PLCB3: variants seen among roughly 807,000 people sequenced by gnomAD.
The protein encoded by PLCB3 is phospholipase C beta 3.
A neutral mutation model predicts 152.1 loss-of-function variants in PLCB3; 54 were observed. The observed-to-expected ratio is 0.36, with a 90% confidence interval of 0.29 to 0.45. The LOEUF (loss-of-function observed/expected upper bound fraction) is 0.45, where lower values mean the gene tolerates loss of function less well. Ranked by LOEUF, PLCB3 falls within the 20% of genes least tolerant of loss-of-function variation. The pLI, the probability that PLCB3 is intolerant of heterozygous loss-of-function variation, is 1.00. For missense variants in PLCB3, 1,248 were observed against 1,687.5 expected (o/e 0.74, Z 4.56); for synonymous variants, 717 against 698.7 (o/e 1.03, Z -0.41).
Position 64,255,416 on chromosome 11 carries a change from A to T in PLCB3, c.488A>T (p.Gln163Leu), listed in dbSNP as rs374487328. 6.2e-7 allele frequency: 1 copy of T among 1,614,170 alleles called. No homozygotes were observed. Among genetic ancestry groups the T allele is most frequent in the Non-Finnish European group, 8.5e-7 (1 of 1,180,020 alleles). The change falls in exon 6 of 31, where the codon CAG becomes CTG. Residue 163 changes from glutamine (Q) to leucine (L), a missense_variant. Transcript: ENST00000279230. This position sits in a 1 kb window ranked among gnomAD's most constrained non-coding sequence, Gnocchi z 6.8. Reference sequence around the variant, plus strand: ...CCCAGATACACGAAGCTGAAGCTGCAGGTGAACCAGGATGGTCGGATCCCC... The same window carrying T: ...CCCAGATACACGAAGCTGAAGCTGCTGGTGAACCAGGATGGTCGGATCCCC... Reference protein sequence around the residue: ...LRKAYTKLKLQVNQDGRIPVK... With the variant: ...LRKAYTKLKLLVNQDGRIPVK...
In PLCB3 at chr11:64,267,111, A is replaced by G. The variant is rs958253140; in HGVS notation, c.3415-74A>G. On this transcript the variant is annotated intron_variant, in intron 29 of 30. Coordinates refer to ENST00000279230, the MANE Select transcript of PLCB3 (RefSeq NM_000932.5). The surrounding 1 kb of genome is among the most constrained non-coding windows in gnomAD (Gnocchi z 5.2). The stretch of plus-strand genomic sequence containing the variant: ...ACCCGGCCTCGCCCACCTGACTTCT[A>G]TACCCAGCCAGAGCCTCGAGGCTCT... The G allele has an allele frequency of 1.2e-5, 16 of 1,380,370 alleles. No homozygotes were observed. Among genetic ancestry groups the G allele is most frequent in the Middle Eastern group, 2.4e-4 (1 of 4,106 alleles). The allele number at this position is 1,380,370 out of a possible 1,614,324, so 85.5% of individuals were successfully genotyped here. A position where few individuals can be genotyped will look rare whatever the true frequency, so the allele number is the denominator to read the frequency against.
At position 64,258,714 on chromosome 11, in the gene PLCB3, G is replaced by A. The variant is rs1257823120; in HGVS notation, c.1253+1G>A. On this transcript the variant is annotated splice_donor_variant, in intron 11 of 30. Transcript: ENST00000279230. LOFTEE classifies it high-confidence loss of function. This position sits in a 1 kb window ranked among gnomAD's most constrained non-coding sequence, Gnocchi z 7.2. ...TCTCCTTCGAGAACCATGTGGACTC[G>A]TGAGTGAGCCCCTGGCATGAAACCC... 3 of 1,613,336 alleles carry A rather than the reference G, an allele frequency of 1.9e-6. No homozygotes were observed. Among genetic ancestry groups the A allele is most frequent in the Admixed American group, 3.3e-5 (2 of 59,988 alleles).
chr11:64,259,338 A>T, intron 13 of PLCB3, 94 bp downstream of exon 13: 2 of 1,047,890 alleles, frequency 1.9e-6, no homozygotes, highest in South Asian at 3.4e-5. Context: ...CCCCCAGCCC[A>T]CCCTCCTGCC....
chr11:64,268,662 G>C (rs2135073936), downstream of PLCB3: 1 of 152,552 alleles, frequency 6.6e-6, no homozygotes, highest in African/African-American at 2.4e-5. Flanking sequence ...AAAAGTGGCA[G>C]AGAGCCCACA....
chr11:64,255,813 G>C lies in PLCB3; in HGVS notation c.690G>C (p.Leu230=). The change falls in exon 8 of 31, where the codon CTG becomes CTC. Residue 230 remains leucine, a synonymous_variant. Coordinates refer to ENST00000279230, the MANE Select transcript of PLCB3 (RefSeq NM_000932.5). The surrounding 1 kb of genome is among the most constrained non-coding windows in gnomAD (Gnocchi z 6.8). ...TGCGGCCGGACATTGACAAGATCCTGCTGGAGATGTGAGTGGGCCCGGCCT... is the reference window on the plus strand; with the variant it reads ...TGCGGCCGGACATTGACAAGATCCTCCTGGAGATGTGAGTGGGCCCGGCCT... ...LCLRPDIDKI[L]LEIGAKGKPY... is the part of the protein sequence containing the mutation. 6.2e-7 allele frequency: 1 copy of C among 1,612,126 alleles called. No homozygotes were observed. Among genetic ancestry groups the C allele is most frequent in the Non-Finnish European group, 8.5e-7 (1 of 1,178,180 alleles).
chr11:64,268,953 ACTT>A (rs1248417997), downstream of PLCB3: 2 of 152,018 alleles, frequency 1.3e-5, no homozygotes, highest in African/African-American at 4.8e-5. Flanking sequence ...AGACTTCCTC[ACTT>A]CTTCTGTGGG....
In PLCB3 at chr11:64,265,912, C is replaced by T. The variant is rs138821310; in HGVS notation, c.3062C>T (p.Thr1021Met). The T allele has an allele frequency of 1.7e-4, 270 of 1,613,058 alleles. No individual in the cohort carries two copies. Among genetic ancestry groups the T allele is most frequent in the Non-Finnish European group, 2.1e-4 (248 of 1,179,978 alleles). The change falls in exon 26 of 31, where the codon ACG becomes ATG. Residue 1021 changes from threonine to methionine, a missense_variant. Around this residue, in one of 6 missense-constraint regions of PLCB3, gnomAD observed 477 missense variants for 489.6 expected, o/e 0.97. Transcript: ENST00000279230. ...ALGGAADVED[T>M]KEGEDEAKRY... is the part of the protein sequence containing the mutation. ...GGTGGGGCCGCTGATGTGGAGGACA[C>T]GAAGGAGGGGGAGGACGAGGCAAAG... is the stretch of plus-strand genomic sequence containing the variant.
In PLCB3 at chr11:64,267,420, G is replaced by A; in HGVS notation, c.3569G>A (p.Ser1190Asn). The part of the protein sequence containing the change: ...RARLPQEIRR[S>N]LLGEMPEGLG... ...AGGCTCCCCCAGGAGATCCGCCGGA[G>A]CCTGCTGGGCGAGATGCCGGAGGGG... Residue 1190 changes from serine to asparagine, a missense_variant, in exon 31 of 31, where the codon AGC (serine) becomes AAC (asparagine). Coordinates refer to ENST00000279230, the MANE Select transcript of PLCB3 (RefSeq NM_000932.5). This position sits in a 1 kb window ranked among gnomAD's most constrained non-coding sequence, Gnocchi z 5.2. 1 of 1,543,408 alleles carries A rather than the reference G, an allele frequency of 6.5e-7. No individual in the cohort carries two copies. The highest frequency in any genetic ancestry group is 8.7e-7 in the Non-Finnish European group (1 of 1,144,438).
chr11:64,265,251 C>T (rs1235806647), intron 24 of PLCB3, 24 bp downstream of exon 24: 1 of 1,592,458 alleles, frequency 6.3e-7, no homozygotes, highest in Non-Finnish European at 8.6e-7. Context: ...TACCTGGAGG[C>T]AGGGGGCTGC....
Position 64,258,441 on chromosome 11 carries a change from G to A in PLCB3, c.1013-32G>A. Reference sequence around the variant, plus strand: ...GGGTGGTGAGGAGCTGGGCTGGTGGGCGGCCTCGGTGACAGAGCCTCGCCG... The same window carrying A: ...GGGTGGTGAGGAGCTGGGCTGGTGGACGGCCTCGGTGACAGAGCCTCGCCG... On this transcript the variant is annotated intron_variant, in intron 10 of 30. Coordinates refer to ENST00000279230, the MANE Select transcript of PLCB3 (RefSeq NM_000932.5). This position sits in a 1 kb window ranked among gnomAD's most constrained non-coding sequence, Gnocchi z 7.2. 1 of 1,603,812 alleles carries A rather than the reference G, an allele frequency of 6.2e-7. No homozygotes were observed.
rs774781596 is a variant in PLCB3, at chr11:64,258,987, G to A, written c.1338+18G>A. The stretch of plus-strand genomic sequence containing the variant: ...AGTACCCGGTACGGGAGCTCGGAGC[G>A]AGGGGGGTGGCATGGGGGCCAGGGT... On this transcript the variant is annotated intron_variant, in intron 12 of 30. Coordinates refer to ENST00000279230, the MANE Select transcript of PLCB3 (RefSeq NM_000932.5). This position sits in a 1 kb window ranked among gnomAD's most constrained non-coding sequence, Gnocchi z 7.2. 33 of 1,613,528 alleles carry A rather than the reference G, an allele frequency of 2.0e-5. No individual in the cohort carries two copies. The highest frequency in any genetic ancestry group is 1.1e-4 in the South Asian group (10 of 91,080).
chr11:64,266,316 GAGA>G lies in PLCB3; in HGVS notation c.3274_3276del (p.Lys1092del). On this transcript the variant is annotated inframe_deletion and splice_region_variant, in exon 28 of 31. Coordinates refer to ENST00000279230, the MANE Select transcript of PLCB3 (RefSeq NM_000932.5). This position sits in a 1 kb window ranked among gnomAD's most constrained non-coding sequence, Gnocchi z 4.9. ...CTCTTCCCCTGCCGGCTTCTCCAGG[GAGA>G]AGAAGGAGCTGCAGAAGATCCTGGA... is the stretch of plus-strand genomic sequence containing the variant. 1.9e-6 allele frequency: 3 copies of G among 1,613,482 alleles called. No homozygotes were observed. The highest frequency in any genetic ancestry group is 1.7e-6 in the Non-Finnish European group (2 of 1,179,884).
In PLCB3 at chr11:64,266,212, G is replaced by A. The variant is rs987672411; in HGVS notation, c.3266+10G>A. The A allele has an allele frequency of 3.1e-6, 5 of 1,614,044 alleles. No individual in the cohort carries two copies. Among genetic ancestry groups the A allele is most frequent in the East Asian group, 2.2e-5 (1 of 44,890 alleles). On this transcript the variant is annotated intron_variant, in intron 27 of 30. Coordinates refer to ENST00000279230, the MANE Select transcript of PLCB3 (RefSeq NM_000932.5). This position sits in a 1 kb window ranked among gnomAD's most constrained non-coding sequence, Gnocchi z 4.9. ...AAGAGATGAACGAGAGGTGAAAGCC[G>A]AGGATTGTCTATGGGAAGGGCTGGG...
At chr11:64,257,694 G>A (rs997807486) in intron 10 of PLCB3, among the ~76,000 whole-genome samples, 20 of 152,060 alleles carry the variant, frequency 1.3e-4, no homozygotes, top group South Asian at 4.1e-4. Context: ...GCTGGAGATA[G>A]GTGCCTGCTA....
chr11:64,264,935 T>A lies in PLCB3; in HGVS notation c.2653-16T>A. ...AACAGCATTTCTGAAAAGAGCATTC[T>A]CCTTTCTCCCTATAGGCTCAGGCTG... On this transcript the variant is annotated splice_polypyrimidine_tract_variant and intron_variant, in intron 22 of 30. Transcript: ENST00000279230. 6.2e-7 allele frequency: 1 copy of A among 1,612,832 alleles called. No homozygotes were observed. The highest frequency in any genetic ancestry group is 8.5e-7 in the Non-Finnish European group (1 of 1,179,562).
At position 64,262,417 on chromosome 11, in the gene PLCB3, G is replaced by A; in HGVS notation, c.2049G>A (p.Met683Ile). 6.2e-7 allele frequency: 1 copy of A among 1,612,752 alleles called. No individual in the cohort carries two copies. The highest frequency in any genetic ancestry group is 8.5e-7 in the Non-Finnish European group (1 of 1,179,136). Reference sequence around the variant, plus strand: ...CCCGTGGCACCCCAGATGTGGCGATGCAGCTCAACGCGGGCGTTTTTGAGT... The same window carrying A: ...CCCGTGGCACCCCAGATGTGGCGATACAGCTCAACGCGGGCGTTTTTGAGT... ...ALNFQTLDVA[M>I]QLNAGVFEYN... The change falls in exon 18 of 31, where the codon ATG becomes ATA. Residue 683 changes from methionine to isoleucine, a missense_variant. By Grantham distance (10) the Met-to-Ile change is conservative. Transcript: ENST00000279230.
intron 10 of PLCB3, among the ~76,000 whole-genome samples, chr11:64,257,256 G>A (rs1046187395): frequency 3.3e-5 from 5 of 151,978 alleles, no homozygotes; most frequent in Non-Finnish European, 7.4e-5. Flanking sequence ...CGCCTGCCTC[G>A]CCCTCCCAAA....
downstream of PLCB3, chr11:64,268,801 T>C (rs543087761): frequency 2.4e-4 from 37 of 152,390 alleles, no homozygotes; most frequent in African/African-American, 8.7e-4. Flanking sequence ...GGCGGCCTCT[T>C]ATCTGGGCTT....
At position 64,255,284 on chromosome 11, in the gene PLCB3, C is replaced by T. The variant is rs763750962; in HGVS notation, c.438C>T (p.Asn146=). The T allele has an allele frequency of 2.2e-5, 35 of 1,613,796 alleles. No individual in the cohort carries two copies. The highest frequency in any genetic ancestry group is 2.5e-5 in the Non-Finnish European group (29 of 1,180,006). ...TGGCTATGAACATCCTGGCTCAGAA[C>T]GCCTCCCGGAACACCTTCCTGCGCA... The part of the protein sequence containing the change: ...FKLAMNILAQ[N]ASRNTFLRKA... The change falls in exon 5 of 31, where the codon AAC becomes AAT. Residue 146 remains asparagine (N), a synonymous_variant. Transcript: ENST00000279230. The surrounding 1 kb of genome is among the most constrained non-coding windows in gnomAD (Gnocchi z 6.8).
Sources: allele counts gnomAD v4.1 joint callset (sites outside exome capture counted in the v4.1 genomes callset), GRCh38; gene constraint gnomAD v4.1.1; regional missense constraint gnomAD v4.1.1; non-coding constraint Gnocchi (gnomAD v3.1); transcripts MANE v1.5; gene names NCBI Gene and HGNC (gene_info 2026-07-23, HGNC 2026-07-21).